Variants in PDE4DIP observed in about 807,000 individuals in gnomAD.
The protein encoded by PDE4DIP is phosphodiesterase 4D interacting protein, also known as myomegalin.
PDE4DIP carries 59 observed loss-of-function variants against 221.4 expected under a neutral mutation model. The ratio of observed to expected loss-of-function variants is 0.27; its 90% CI spans 0.22 to 0.33. The LOEUF (loss-of-function observed/expected upper bound fraction) is 0.33. Ranked by LOEUF, PDE4DIP falls within the 10% of genes least tolerant of loss-of-function variation. The pLI, the probability that PDE4DIP is intolerant of heterozygous loss-of-function variation, is 1.00. For missense variants in PDE4DIP, 1,036 were observed against 2,154.2 expected (o/e 0.48, Z 10.28); for synonymous variants, 404 against 815.9 (o/e 0.50, Z 8.60).
exon 42 of PDE4DIP, chr1:149,029,789 A>C (rs1484351928): frequency 6.6e-7 from 1 of 1,507,412 alleles, no homozygotes. Context: ...TTATCCAGGG[A>C]GAATCAACAG....
chr1:149,020,035 C>T (rs2072169938), intron 35 of PDE4DIP, 112 bp from the exon 39 acceptor site: 3 of 586,230 alleles, frequency 5.1e-6, no homozygotes, highest in Middle Eastern at 4.5e-4. Context: ...CAACATAGGG[C>T]CTTCCTTCCC....
rs2046837654 is a variant in PDE4DIP at position 148,926,904 on chromosome 1, A to G, written c.142-2293A>G. Among the ~76,000 whole-genome samples, 3 of 143,496 alleles carry G rather than the reference A, an allele frequency of 2.1e-5. No individual in the cohort carries two copies. The South Asian group carries it at 7.2e-4, about 35-fold the overall frequency. 94.1% of individuals were successfully genotyped at this position (143,496 alleles called of 152,430 possible). ...TGCAGTGCCAGGCCATGGAACTGAT[A>G]TAGAGATCTTAGACTTGTTCTTCAT... On this transcript the variant is annotated intron_variant, in intron 1 of 43. Coordinates refer to ENST00000369354, the Ensembl canonical transcript of PDE4DIP.
exon 23 of PDE4DIP, chr1:148,998,242 C>T (rs1553568367): frequency 1.3e-6 from 2 of 1,594,094 alleles, no homozygotes; most frequent in Non-Finnish European, 1.7e-6. Context: ...TAACAGGTGT[C>T]TTCAGGAAGA....
chr1:148,976,274 A>G (rs1325702680), intron 17 of PDE4DIP, among the ~76,000 whole-genome samples: 1 of 152,184 alleles, frequency 6.6e-6, no homozygotes, highest in Non-Finnish European at 1.5e-5. Context: ...AACTTGTCTT[A>G]CCATAAAGAT....
chr1:149,013,153 A>G (rs1284074862), intron 32 of PDE4DIP, among the ~76,000 whole-genome samples: 1 of 152,246 alleles, frequency 6.6e-6, no homozygotes, highest in African/African-American at 2.4e-5. Flanking sequence ...AGATGGCCAC[A>G]TTCAGTGGGC....
Position 148,998,394 on chromosome 1 carries a change from G to A in PDE4DIP, c.3137+19G>A, listed in dbSNP as rs782543382. The A allele has an allele frequency of 6.7e-7, 1 of 1,500,316 alleles. No homozygotes were observed. The highest frequency in any genetic ancestry group is 9.3e-7 in the Non-Finnish European group (1 of 1,080,046). 92.9% of individuals were successfully genotyped at this position (1,500,316 alleles called of 1,614,324 possible). On this transcript the variant is annotated intron_variant, in intron 23 of 43. Coordinates refer to ENST00000369354, the Ensembl canonical transcript of PDE4DIP. ...ACATCAGGTAGGACATTCTTCCCAG[G>A]GAAGGGGAGCTTGCAGGTCATGAGG...
At position 149,029,832 on chromosome 1, in the gene PDE4DIP, T is replaced by A. The variant is rs782799180; in HGVS notation, c.6859T>A (p.Ser2287Thr). The change falls in exon 42 of 44, where the codon TCC becomes ACC. Residue 2287 changes from serine (S) to threonine (T), a missense_variant. Ser to Thr is a moderately conservative substitution (Grantham distance 58, BLOSUM62 1). Transcript: ENST00000369354. ...ACTTCTGGAACTGAGAACCAAAGTA[T>A]CCAAACAGGAGCGACTCCTTCAGAG... is the stretch of plus-strand genomic sequence containing the variant. 14 of 1,605,416 alleles carry A rather than the reference T, an allele frequency of 8.7e-6. No individual in the cohort carries two copies. The Admixed American group carries it at 2.3e-4, about 27-fold the overall frequency.
intron 43 of PDE4DIP, among the ~76,000 whole-genome samples, chr1:149,031,544 A>G (rs1176667272): frequency 8.6e-5 from 13 of 151,232 alleles, no homozygotes; most frequent in African/African-American, 3.2e-4. Context: ...CTTCCCAGCA[A>G]AATGTCCTCT....
At chr1:148,824,242 CAG>C (rs1397086057) in intron 1 of PDE4DIP, among the ~76,000 whole-genome samples, 9 of 146,822 alleles carry the variant, frequency 6.1e-5, no homozygotes, top group Non-Finnish European at 1.4e-4. Context: ...CAAGACTCGA[CAG>C]GGGCTGAAAG....
intron 17 of PDE4DIP, among the ~76,000 whole-genome samples, chr1:148,975,833 C>T (rs1553537114): frequency 6.6e-6 from 1 of 152,116 alleles, no homozygotes; most frequent in Non-Finnish European, 1.5e-5. Context: ...CCAAATAGCT[C>T]TTAGTTTTTT....
chr1:148,913,937 C>A, intron 1 of PDE4DIP, among the ~76,000 whole-genome samples: 1 of 126,184 alleles, frequency 7.9e-6, no homozygotes, highest in Admixed American at 7.9e-5. Flanking sequence ...TTTTATGTGG[C>A]AGTATTAAGT....
chr1:149,029,808 C>G (rs1217617337), exon 42 of PDE4DIP: 6 of 1,588,450 alleles, frequency 3.8e-6, no homozygotes, highest in Non-Finnish European at 5.2e-6. Flanking sequence ...AGAAAGGGAA[C>G]TTCTGGAACT....
intron 27 of PDE4DIP, 81 bp downstream of exon 30, chr1:149,005,518 G>A (rs1159268260): frequency 1.5e-5 from 16 of 1,088,396 alleles, no homozygotes; most frequent in Non-Finnish European, 2.1e-5. Flanking sequence ...CAGGCAGTTG[G>A]AAGAAAGAAC....
At chr1:148,961,809 A>G in intron 6 of PDE4DIP, 28 bp from the exon 10 acceptor site, 1 of 894,886 alleles carries the variant, frequency 1.1e-6, no homozygotes, top group Non-Finnish European at 1.9e-6. Context: ...CATTGACCTA[A>G]AAAACTGTTT....
At chr1:148,978,047 C>T (rs1559125375) in exon 18 of PDE4DIP, 2 of 1,612,530 alleles carry the variant, frequency 1.2e-6, no homozygotes, top group South Asian at 1.1e-5. Context: ...AAGAAGATCT[C>T]ATAAAGGTCT....
chr1:149,031,986 C>T (rs782302042), exon 44 of PDE4DIP: 5 of 1,609,700 alleles, frequency 3.1e-6, no homozygotes, highest in Non-Finnish European at 4.2e-6. Context: ...AGCCTTGTGA[C>T]CCTTGCCTTC....
intron 5 of PDE4DIP, among the ~76,000 whole-genome samples, chr1:148,950,682 G>A (rs1372322531): frequency 6.7e-6 from 1 of 148,510 alleles, no homozygotes; most frequent in African/African-American, 2.5e-5. Flanking sequence ...ACTTTTAAAT[G>A]ACCAGATCTC....
At chr1:148,964,367 C>T in intron 9 of PDE4DIP, among the ~76,000 whole-genome samples, 1 of 152,222 alleles carries the variant, frequency 6.6e-6, no homozygotes. Flanking sequence ...CTTGGCCTTC[C>T]AAAGTGGTGA....
exon 41 of PDE4DIP, chr1:149,028,703 G>A (rs2075876649): frequency 6.4e-7 from 1 of 1,556,728 alleles, no homozygotes; most frequent in Non-Finnish European, 8.8e-7. Context: ...CTGGCAAAGT[G>A]GTAAGATGCC....
Sources: allele counts gnomAD v4.1 joint callset (sites outside exome capture counted in the v4.1 genomes callset), GRCh38; gene constraint gnomAD v4.1.1; transcripts MANE v1.5; gene names NCBI Gene and HGNC (gene_info 2026-07-23, HGNC 2026-07-21).